The following RGS7 variants were observed in gnomAD, a reference collection of about 807,000 sequenced individuals.
The protein encoded by RGS7 is regulator of G-protein signaling 7.
In RGS7, 27 loss-of-function variants were observed where a neutral mutation model predicts 81.1. The observed-to-expected ratio is 0.33, with a 90% CI of 0.25 to 0.46. The LOEUF (loss-of-function observed/expected upper bound fraction) is 0.46, where lower values mean the gene tolerates loss of function less well. Ranked by LOEUF, RGS7 falls within the 20% of genes least tolerant of loss-of-function variation. The pLI is 1.00. For synonymous variants in RGS7, 208 were observed against 207.7 expected (o/e 1.00, Z -0.01); for missense variants, 396 against 607.4 (o/e 0.65, Z 3.66).
chr1:240,972,954 C>T (rs546856622), intron 4 of RGS7, among the ~76,000 whole-genome samples: 225 of 150,338 alleles, frequency 1.5e-3, no homozygotes, highest in Admixed American at 3.1e-3. Context: ...GAAGCTTAAG[C>T]GGGAGGATCA....
chr1:241,347,845 T>C (rs1277982584), intron 2 of RGS7, among the ~76,000 whole-genome samples: 1 of 152,078 alleles, frequency 6.6e-6, no homozygotes, highest in Non-Finnish European at 1.5e-5. Context: ...TATCTACCAT[T>C]CCCTTACGAG....
intron 2 of RGS7, among the ~76,000 whole-genome samples, chr1:241,156,181 T>TAGAC (rs148452217): frequency 1.4e-5 from 2 of 146,912 alleles, no homozygotes; most frequent in Non-Finnish European, 1.5e-5. Flanking sequence ...TACATATACA[T>TAGAC]AGACAGACAG....
At chr1:241,348,743 G>A (rs926834394) in intron 2 of RGS7, among the ~76,000 whole-genome samples, 7 of 152,176 alleles carry the variant, frequency 4.6e-5, no homozygotes, top group African/African-American at 1.4e-4. Context: ...AAGACAAGAT[G>A]CCAAAGACTT....
intron 2 of RGS7, among the ~76,000 whole-genome samples, chr1:241,140,263 C>G (rs991304618): frequency 6.6e-6 from 1 of 152,140 alleles, no homozygotes; most frequent in Non-Finnish European, 1.5e-5. Flanking sequence ...CAGACCCTTT[C>G]CAGGGGCTGA....
intron 4 of RGS7, among the ~76,000 whole-genome samples, chr1:240,965,972 A>G (rs990797089): frequency 6.6e-6 from 1 of 152,112 alleles, no homozygotes; most frequent in African/African-American, 2.4e-5. Context: ...AAATTTACCT[A>G]TTGTAGAGGG....
intron 2 of RGS7, among the ~76,000 whole-genome samples, chr1:241,259,068 T>C (rs994632437): frequency 6.6e-6 from 1 of 152,158 alleles, no homozygotes; most frequent in Non-Finnish European, 1.5e-5. Flanking sequence ...AAAGACCACC[T>C]TTCACTTCTT....
chr1:241,255,362 A>C (rs186579057), intron 2 of RGS7, among the ~76,000 whole-genome samples: 21 of 152,300 alleles, frequency 1.4e-4, no homozygotes, highest in Non-Finnish European at 2.5e-4. Flanking sequence ...CTTCCAACTC[A>C]TCATTGACAG....
intron 3 of RGS7, among the ~76,000 whole-genome samples, chr1:241,002,109 C>T (rs891880224): frequency 1.3e-5 from 2 of 152,088 alleles, no homozygotes; most frequent in African/African-American, 4.8e-5. Flanking sequence ...CTTTACCTTT[C>T]TTTCATTTTC....
chr1:241,120,893 G>A (rs1358392685), intron 2 of RGS7, among the ~76,000 whole-genome samples: 1 of 152,086 alleles, frequency 6.6e-6, no homozygotes, highest in South Asian at 2.1e-4. Flanking sequence ...CGAGTGAGGT[G>A]CATTTTAAAT....
At chr1:241,210,583 T>C (rs1340749189) in intron 2 of RGS7, among the ~76,000 whole-genome samples, 1 of 152,244 alleles carries the variant, frequency 6.6e-6, no homozygotes, top group African/African-American at 2.4e-5. Flanking sequence ...TCAGTTTAAA[T>C]AGCATGAAAC....
intron 14 of RGS7, among the ~76,000 whole-genome samples, chr1:240,810,928 GCA>G (rs1311700640): frequency 2.0e-5 from 3 of 152,144 alleles, no homozygotes; most frequent in Non-Finnish European, 4.4e-5. Flanking sequence ...TCCATGCCAG[GCA>G]CACACAGAGA....
intron 2 of RGS7, among the ~76,000 whole-genome samples, chr1:241,113,396 G>A (rs2065666909): frequency 6.6e-6 from 1 of 152,144 alleles, no homozygotes; most frequent in South Asian, 2.1e-4. Flanking sequence ...AGACACCTAG[G>A]TAGTTTGAAA....
chr1:240,848,855 T>A (rs921599292), intron 9 of RGS7, among the ~76,000 whole-genome samples: 1 of 152,142 alleles, frequency 6.6e-6, no homozygotes, highest in African/African-American at 2.4e-5. Flanking sequence ...AAAGATCACA[T>A]AGCAAAATAA....
At chr1:240,777,710 A>G (rs560174731) in intron 18 of RGS7, among the ~76,000 whole-genome samples, 7 of 152,226 alleles carry the variant, frequency 4.6e-5, no homozygotes, top group Non-Finnish European at 8.8e-5. Context: ...TGGTTCATCA[A>G]TGGTGCATTC....
chr1:240,898,765 T>G (rs1669498315), intron 6 of RGS7, among the ~76,000 whole-genome samples: 1 of 152,224 alleles, frequency 6.6e-6, no homozygotes, highest in South Asian at 2.1e-4. Flanking sequence ...TTCTGTTGAT[T>G]TGGGGTGGAG....
intron 2 of RGS7, among the ~76,000 whole-genome samples, chr1:241,306,685 ACT>A (rs1361752372): frequency 6.6e-6 from 1 of 151,022 alleles, no homozygotes; most frequent in East Asian, 2.0e-4. Context: ...ACATGCACAC[ACT>A]CTTACACACA....
chr1:241,282,394 A>G (rs1292248934), intron 2 of RGS7, among the ~76,000 whole-genome samples: 1 of 152,142 alleles, frequency 6.6e-6, no homozygotes, highest in Non-Finnish European at 1.5e-5. Flanking sequence ...AATAAAATTG[A>G]TTTTTGGATG....
intron 2 of RGS7, among the ~76,000 whole-genome samples, chr1:241,320,348 T>C (rs1417096635): frequency 6.6e-6 from 1 of 152,188 alleles, no homozygotes; most frequent in Non-Finnish European, 1.5e-5. Flanking sequence ...TTCGGAGAGA[T>C]CCCTCAATGA....
rs369831215 is a variant in RGS7 at position 240,777,016 on chromosome 1, C to G, written c.*7-803G>C. 6.6e-5 allele frequency among the ~76,000 whole-genome samples: 10 copies of G among 152,242 alleles called. No homozygotes were observed. In the East Asian group the frequency reaches 1.7e-3, roughly 26 times the overall value. ...TCTAGAGAGATAAGAAATTTGAGAC[C>G]GGGCGCAGTGGCTCACGCCTGTAAT... On this transcript the variant is annotated intron_variant, in intron 18 of 18. Transcript: ENST00000440928.
Sources: allele counts gnomAD v4.1 joint callset (sites outside exome capture counted in the v4.1 genomes callset), GRCh38; gene constraint gnomAD v4.1.1; transcripts MANE v1.5; gene names NCBI Gene and HGNC (gene_info 2026-07-23, HGNC 2026-07-21).